The following EPB41 variants were observed in gnomAD, a reference collection of about 807,000 sequenced individuals.
The protein encoded by EPB41 is protein 4.1.
In EPB41, 65 loss-of-function variants were observed where a neutral mutation model predicts 108.0. The ratio of observed to expected loss-of-function variants is 0.60; its 90% CI spans 0.49 to 0.74. EPB41 has a LOEUF of 0.74. Among genes scored for constraint, EPB41 ranks in the 30% least tolerant of loss-of-function variants. EPB41 has a pLI of 0.00. For synonymous variants in EPB41, 336 were observed against 358.9 expected (o/e 0.94, Z 0.72); for missense variants, 875 against 1,037.0 (o/e 0.84, Z 2.15).
chr1:29,106,478 A>G (rs570681556), intron 17 of EPB41, among the ~76,000 whole-genome samples: 8 of 148,288 alleles, frequency 5.4e-5, no homozygotes, highest in African/African-American at 2.0e-4. Context: ...TTTTTTTGAG[A>G]TGGAGTTTCA....
In EPB41 at chr1:28,987,574, A is replaced by C; in HGVS notation, c.137A>C (p.Asp46Ala). Residue 46 changes from aspartate (D) to alanine (A), a missense_variant, in exon 2 of 21, where the codon GAT becomes GCT. Coordinates refer to ENST00000343067, the MANE Select transcript of EPB41 (RefSeq NM_001376013.1). ...TCTTGTCAAACAGCAGCTGAAGGAG[A>C]TAATTGGTGTGAACAGAAGCTGAAA... ...EESCQTAAEGDNWCEQKLKAS... is the reference protein window; with the variant it reads ...EESCQTAAEGANWCEQKLKAS... 1 of 1,614,162 alleles carries C rather than the reference A, an allele frequency of 6.2e-7. No homozygotes were observed. Among genetic ancestry groups the C allele is most frequent in the Non-Finnish European group, 8.5e-7 (1 of 1,180,036 alleles).
At position 28,901,264 on chromosome 1, in the gene EPB41, C is replaced by T. The variant is rs555889244; in HGVS notation, c.-8+14054C>T. ...TTTTTGAGACAGAGTCTTGCTCTGT[C>T]GCCAGGCTGGAGTGCAGTGGCATGA... On this transcript the variant is annotated intron_variant, in intron 1 of 16. Transcript: ENST00000347529. Among the ~76,000 whole-genome samples the T allele has an allele frequency of 1.7e-4, 21 of 122,932 alleles. 4 individuals carry two copies. Among genetic ancestry groups the T allele is most frequent in the South Asian group, 5.6e-4 (2 of 3,552 alleles). 80.6% of individuals were successfully genotyped at this position (122,932 alleles called of 152,430 possible).
Position 29,018,124 on chromosome 1 carries a change from T to C in EPB41, c.906-100T>C, listed in dbSNP as rs943145665. The stretch of plus-strand genomic sequence containing the variant: ...TTCTTTTCTTCTGTGTCCTTATTTT[T>C]TCTCTCTCTCCCTTTCTGTTTCTCC... On this transcript the variant is annotated intron_variant, in intron 6 of 20. Transcript: ENST00000343067. This position sits in a 1 kb window ranked among gnomAD's most constrained non-coding sequence, Gnocchi z 4.4. 2 of 1,037,262 alleles carry C rather than the reference T, an allele frequency of 1.9e-6. No homozygotes were observed. The highest frequency in any genetic ancestry group is 1.6e-5 in the African/African-American group (1 of 62,526). 64.3% of individuals were successfully genotyped at this position (1,037,262 alleles called of 1,614,324 possible). A position where few individuals can be genotyped will look rare whatever the true frequency, so the allele number is the denominator to read the frequency against.
intron 12 of EPB41, chr1:29,053,834 C>T (rs1198415989): frequency 1.3e-5 from 2 of 155,120 alleles, no homozygotes; most frequent in Non-Finnish European, 2.9e-5. Flanking sequence ...GCTGGGATTA[C>T]AGGCATGAGC....
chr1:29,038,430 A>G (rs1283364390), intron 10 of EPB41, among the ~76,000 whole-genome samples: 1 of 152,244 alleles, frequency 6.6e-6, no homozygotes, highest in East Asian at 1.9e-4. Flanking sequence ...AAAATAAGAG[A>G]ATACCTTAAA....
intron 1 of EPB41, among the ~76,000 whole-genome samples, chr1:28,917,819 T>C (rs1019326020): frequency 6.6e-5 from 10 of 151,502 alleles, no homozygotes; most frequent in Non-Finnish European, 1.5e-4. Context: ...GGTCTCAAAC[T>C]CCTGAGCTCA....
intron 19 of EPB41, among the ~76,000 whole-genome samples, chr1:29,114,196 A>G (rs541540437): frequency 2.6e-5 from 4 of 152,254 alleles, no homozygotes; most frequent in African/African-American, 9.6e-5. Flanking sequence ...CTGCAGCCCA[A>G]AGAGGATGGT....
Position 29,119,503 on chromosome 1 carries a change from C to A in EPB41, c.*2691C>A, listed in dbSNP as rs201290834. On this transcript the variant is annotated 3_prime_UTR_variant, in exon 21 of 21. Coordinates refer to ENST00000343067, the MANE Select transcript of EPB41 (RefSeq NM_001376013.1). ...AGCCACATGAGGACTCTGGCACCCACCCACAAAGCAAGACCTGTATTTATA... is the reference window on the plus strand; with the variant it reads ...AGCCACATGAGGACTCTGGCACCCAACCACAAAGCAAGACCTGTATTTATA... The A allele has an allele frequency of 1.3e-5, 2 of 152,290 alleles. No individual in the cohort carries two copies. The highest frequency in any genetic ancestry group is 2.9e-5 in the Non-Finnish European group (2 of 68,056). The allele number at this position is 152,290 out of a possible 1,614,324, so 9.4% of individuals were successfully genotyped here.
Position 29,120,019 on chromosome 1 carries a change from T to TC in EPB41, c.*3208dup, listed in dbSNP as rs1267564627. On this transcript the variant is annotated 3_prime_UTR_variant, in exon 21 of 21. Coordinates refer to ENST00000343067, the MANE Select transcript of EPB41 (RefSeq NM_001376013.1). ...TCTTGCTTCTTGTATTGCATTTTTTTCAATAAACAACAACAAAAAGAACTC... is the reference window on the plus strand; with the variant it reads ...TCTTGCTTCTTGTATTGCATTTTTTTCCAATAAACAACAACAAAAAGAACTC... 6.6e-6 allele frequency: 1 copy of TC among 152,644 alleles called. No homozygotes were observed. The highest frequency in any genetic ancestry group is 1.5e-5 in the Non-Finnish European group (1 of 68,042). 9.5% of individuals were successfully genotyped at this position (152,644 alleles called of 1,614,324 possible). A position where few individuals can be genotyped will look rare whatever the true frequency, so the allele number is the denominator to read the frequency against.
At chr1:28,974,477 C>T (rs932854562) in intron 1 of EPB41, among the ~76,000 whole-genome samples, 4 of 152,118 alleles carry the variant, frequency 2.6e-5, no homozygotes, top group Non-Finnish European at 4.4e-5. Flanking sequence ...TCAAATCATT[C>T]TAGTATGTAA....
rs1671137117 is a variant in EPB41, at chr1:29,117,043, T to G, written c.*231T>G. ...ATTAGGATATCAGAATTGTTCAACTTTTCACTCTATAGACTGTTTTAAGAG... is the reference window on the plus strand; with the variant it reads ...ATTAGGATATCAGAATTGTTCAACTGTTCACTCTATAGACTGTTTTAAGAG... On this transcript the variant is annotated 3_prime_UTR_variant, in exon 21 of 21. Transcript: ENST00000343067. The G allele has an allele frequency of 6.6e-6, 1 of 152,234 alleles. No homozygotes were observed. Among genetic ancestry groups the G allele is most frequent in the Non-Finnish European group, 1.5e-5 (1 of 68,044 alleles). The allele number at this position is 152,234 out of a possible 1,614,324, so 9.4% of individuals were successfully genotyped here.
chr1:29,027,664 A>G (rs1451338003), intron 7 of EPB41, among the ~76,000 whole-genome samples: 1 of 151,946 alleles, frequency 6.6e-6, no homozygotes, highest in African/African-American at 2.4e-5. Flanking sequence ...CTAGGCTCAT[A>G]GACTCAAGCA....
At chr1:28,998,306 T>C (rs1348436192) in intron 4 of EPB41, among the ~76,000 whole-genome samples, 2 of 152,088 alleles carry the variant, frequency 1.3e-5, no homozygotes, top group African/African-American at 2.4e-5. Flanking sequence ...CTGAAAGCCA[T>C]CTAGCCTGGC....
intron 15 of EPB41, 105 bp downstream of exon 15, chr1:29,060,589 A>T: frequency 3.0e-6 from 3 of 1,015,938 alleles, no homozygotes; most frequent in Non-Finnish European, 3.1e-6. Context: ...TTTGCATGCA[A>T]TTGCATGAAG....
Position 28,987,762 on chromosome 1 carries a change from G to A in EPB41, c.325G>A (p.Gly109Ser), listed in dbSNP as rs1372037096. 1 of 1,614,162 alleles carries A rather than the reference G, an allele frequency of 6.2e-7. No homozygotes were observed. The highest frequency in any genetic ancestry group is 8.5e-7 in the Non-Finnish European group (1 of 1,180,046). Reference protein sequence around the residue: ...GKEVESDKEKGEGGQKEIEFG... With the variant: ...GKEVESDKEKSEGGQKEIEFG... The stretch of plus-strand genomic sequence containing the variant: ...AGAAGTAGAGTCAGATAAAGAAAAA[G>A]GTGAAGGAGGTCAGAAAGAGATAGA... The change falls in exon 2 of 21, where the codon GGT becomes AGT. Residue 109 changes from glycine to serine, a missense_variant. Around this residue, in one of 3 missense-constraint regions of EPB41, gnomAD observed 353 missense variants for 393.2 expected, o/e 0.90. Coordinates refer to ENST00000343067, the MANE Select transcript of EPB41 (RefSeq NM_001376013.1).
intron 1 of EPB41, among the ~76,000 whole-genome samples, chr1:28,900,935 ATTTAT>A (rs796385987): frequency 3.8e-4 from 58 of 151,874 alleles, no homozygotes; most frequent in African/African-American, 1.4e-3. Context: ...CTTTTTATTT[ATTTAT>A]TTATTTTGAG....
intron 9 of EPB41, among the ~76,000 whole-genome samples, chr1:29,034,399 G>A (rs1638577395): frequency 2.6e-5 from 4 of 152,190 alleles, no homozygotes; most frequent in Admixed American, 2.6e-4. Flanking sequence ...TTGAGAAAAA[G>A]TATTGTGGCA....
At chr1:28,930,862 C>G (rs2093706101) in intron 1 of EPB41, among the ~76,000 whole-genome samples, 1 of 152,092 alleles carries the variant, frequency 6.6e-6, no homozygotes, top group Non-Finnish European at 1.5e-5. Flanking sequence ...CAATAAAAAT[C>G]CTGTGGTATA....
chr1:29,056,241 A>C (rs539856288), intron 12 of EPB41, among the ~76,000 whole-genome samples: 67 of 151,848 alleles, frequency 4.4e-4, no homozygotes, highest in Non-Finnish European at 3.8e-4. Flanking sequence ...CTCAAAAAAA[A>C]AAAAAACAAA....
Sources: gnomAD v4.1 joint callset for allele counts (sites outside exome capture counted in the v4.1 genomes callset) on GRCh38, gnomAD v4.1.1 for gene constraint, gnomAD v4.1.1 regional missense constraint, Gnocchi (gnomAD v3.1) non-coding constraint, MANE v1.5 for transcripts, NCBI Gene and HGNC (gene_info 2026-07-23, HGNC 2026-07-21) for gene names.